PFKFB3: variants seen among roughly 807,000 people sequenced by gnomAD.
The protein encoded by PFKFB3 is 6-phosphofructo-2-kinase/fructose-2,6-bisphosphatase 3.
PFKFB3 carries 33 observed loss-of-function variants against 68.0 expected under a neutral mutation model. That is an observed-to-expected ratio of 0.49 (90% confidence interval 0.37 to 0.65). The LOEUF (loss-of-function observed/expected upper bound fraction) is 0.65. Ranked by LOEUF, PFKFB3 falls within the 30% of genes least tolerant of loss-of-function variation. PFKFB3 has a pLI of 0.00. For missense variants in PFKFB3, 586 were observed against 712.2 expected (o/e 0.82, Z 2.02); for synonymous variants, 315 against 288.2 (o/e 1.09, Z -0.94).
chr10:6,179,519 C>T (rs1190020683), intron 1 of PFKFB3, among the ~76,000 whole-genome samples: 1 of 152,178 alleles, frequency 6.6e-6, no homozygotes, highest in Admixed American at 6.5e-5. Flanking sequence ...AGGCGTTTCC[C>T]TAGCGAGCCC....
chr10:6,312,562 G>A, the PFKFB3 span, among the ~76,000 whole-genome samples: 1 of 152,088 alleles, frequency 6.6e-6, no homozygotes, highest in Admixed American at 6.5e-5. Flanking sequence ...CCATGTGCTG[G>A]CAATTCTAAA....
intron 1 of PFKFB3, among the ~76,000 whole-genome samples, chr10:6,147,758 G>GCCTGACGGGGTGGTCCATACAGGGGA (rs1209746021): frequency 1.3e-5 from 2 of 151,618 alleles, no homozygotes; most frequent in Non-Finnish European, 2.9e-5. Flanking sequence ...GGGCCGGGGA[G>GCCTGACGGGGTGGTCCATACAGGGGA]CCTGACGGGG....
chr10:6,201,543 G>A (rs1843352851), upstream of PFKFB3, among the ~76,000 whole-genome samples: 2 of 150,914 alleles, frequency 1.3e-5, no homozygotes, highest in South Asian at 2.1e-4. This position sits in a 1 kb window ranked among gnomAD's most constrained non-coding sequence, Gnocchi z 4.1. Flanking sequence ...GGCAGGCGGC[G>A]GGTCGGGAGG....
the PFKFB3 span, among the ~76,000 whole-genome samples, chr10:6,267,007 T>A: frequency 6.6e-6 from 1 of 152,244 alleles, no homozygotes; most frequent in African/African-American, 2.4e-5. Flanking sequence ...AAATTATAAA[T>A]CTTTCACCTT....
At chr10:6,194,530 T>C (rs1243887992) in intron 1 of PFKFB3, among the ~76,000 whole-genome samples, 2 of 152,172 alleles carry the variant, frequency 1.3e-5, no homozygotes, top group South Asian at 2.1e-4. Flanking sequence ...GCTTAACCCA[T>C]GTGCAGCAAC....
rs1188620798 is a variant in PFKFB3, at chr10:6,206,615, T to TG, written c.76+3280dup. Among the ~76,000 whole-genome samples the TG allele has an allele frequency of 4.0e-3, 595 of 147,300 alleles. 5 individuals carry two copies. Among genetic ancestry groups the TG allele is most frequent in the African/African-American group, 0.014 (548 of 38,632 alleles). ...CCACCTCCCTCCCGGACGGGGTGGC[T>TG]GCCGGGCGGAGACGCTCCTCACATC... On this transcript the variant is annotated intron_variant, in intron 1 of 14. Transcript: ENST00000379775.
chr10:6,189,278 C>T (rs180988383), intron 1 of PFKFB3, among the ~76,000 whole-genome samples: 1 of 152,286 alleles, frequency 6.6e-6, no homozygotes, highest in Admixed American at 6.5e-5. Flanking sequence ...TACGTGTGCA[C>T]GTATCTCTTC....
At chr10:6,226,437 G>T in intron 14 of PFKFB3, 72 bp downstream of exon 14, 6 of 1,450,202 alleles carry the variant, frequency 4.1e-6, no homozygotes, top group Non-Finnish European at 5.6e-6. Flanking sequence ...CTGGGATTGC[G>T]TGCGTGTGTG....
the PFKFB3 span, among the ~76,000 whole-genome samples, chr10:6,267,024 CTT>C: frequency 2.1e-3 from 320 of 152,254 alleles, no homozygotes; most frequent in African/African-American, 7.1e-3. Context: ...CCTTTTTTCT[CTT>C]GTCATGTTGT....
Position 6,183,739 on chromosome 10 carries a change from G to A in PFKFB3, c.17-29884G>A, listed in dbSNP as rs1367390508. ...GTCTCGCTCTGTCACCCAGGCTGGAGTGCAGTGGCGTGATCTCGGCTCACT... is the reference window on the plus strand; with the variant it reads ...GTCTCGCTCTGTCACCCAGGCTGGAATGCAGTGGCGTGATCTCGGCTCACT... On this transcript the variant is annotated intron_variant, in intron 1 of 14. Transcript: ENST00000379789. Among the ~76,000 whole-genome samples the A allele has an allele frequency of 4.7e-5, 7 of 149,780 alleles. 1 individual carries two copies. In the South Asian group the frequency reaches 8.4e-4, roughly 18 times the overall value.
chr10:6,323,785 C>A, the PFKFB3 span, among the ~76,000 whole-genome samples: 1 of 152,142 alleles, frequency 6.6e-6, no homozygotes, highest in Non-Finnish European at 1.5e-5. Context: ...GTAGAGAAAT[C>A]GAAACCCATG....
rs1406229970 is a variant in PFKFB3, at chr10:6,210,354, TTGTTTTTTTG to T, written c.77-3267_77-3258del. Reference sequence around the variant, plus strand: ...TCTCTTTGTTTTTTTTTGTTTTTTTTTGTTTTTTTGTTTTTTTTTTTTTTGAGACGAAGTT... The same window carrying T: ...TCTCTTTGTTTTTTTTTGTTTTTTTTTTTTTTTTTTTTTTGAGACGAAGTT... On this transcript the variant is annotated intron_variant, in intron 1 of 14. Transcript: ENST00000379775. Among the ~76,000 whole-genome samples, 84 of 13,252 alleles carry T rather than the reference TTGTTTTTTTG, an allele frequency of 6.3e-3. 7 individuals are homozygous for T. Among genetic ancestry groups the T allele is most frequent in the African/African-American group, 6.6e-3 (74 of 11,206 alleles). 8.7% of individuals were successfully genotyped at this position (13,252 alleles called of 152,430 possible).
chr10:6,248,652 A>AAAAAAAAAG (rs71390202), intron 14 of PFKFB3, among the ~76,000 whole-genome samples: 6 of 91,580 alleles, frequency 6.6e-5, no homozygotes, highest in Admixed American at 1.7e-4. Context: ...AAAAAAAAAA[A>AAAAAAAAAG]GGCAGGGGAT....
chr10:6,245,528 G>A (rs7906185), intron 14 of PFKFB3, among the ~76,000 whole-genome samples: 7 of 151,348 alleles, frequency 4.6e-5, no homozygotes, highest in Non-Finnish European at 7.4e-5. Context: ...GGGATCCTCC[G>A]TCCTCAGCCT....
intron 2 of PFKFB3, among the ~76,000 whole-genome samples, chr10:6,214,695 A>T (rs1379240496): frequency 6.6e-6 from 1 of 152,092 alleles, no homozygotes; most frequent in Non-Finnish European, 1.5e-5. Context: ...CCCTCTTTTG[A>T]AAGGATGGTT....
intron 6 of PFKFB3, among the ~76,000 whole-genome samples, chr10:6,219,274 G>A (rs549949779): frequency 2.6e-5 from 4 of 152,210 alleles, no homozygotes; most frequent in African/African-American, 9.6e-5. Context: ...ACTCGGGCAC[G>A]GGACAGATCC....
Position 6,220,612 on chromosome 10 carries a change from G to C in PFKFB3, c.624-46G>C, listed in dbSNP as rs368410746. 1.9e-6 allele frequency: 3 copies of C among 1,564,962 alleles called. No individual in the cohort carries two copies. Among genetic ancestry groups the C allele is most frequent in the South Asian group, 2.2e-5 (2 of 90,164 alleles). On this transcript the variant is annotated intron_variant, in intron 7 of 14. Coordinates refer to ENST00000379775, the MANE Select transcript of PFKFB3 (RefSeq NM_004566.4). This position sits in a 1 kb window ranked among gnomAD's most constrained non-coding sequence, Gnocchi z 4.1. Reference sequence around the variant, plus strand: ...GGAGACGGGCCAGGTGCATCCTGCTGTGGGTGGTGGCCTGAGCTGTGGTTC... The same window carrying C: ...GGAGACGGGCCAGGTGCATCCTGCTCTGGGTGGTGGCCTGAGCTGTGGTTC...
chr10:6,176,037 C>T lies in PFKFB3; in HGVS notation c.16+31024C>T, dbSNP rs150843396. 8.7e-4 allele frequency among the ~76,000 whole-genome samples: 133 copies of T among 152,340 alleles called. 1 individual carries two copies. In the South Asian group the frequency reaches 0.016, roughly 18 times the overall value. On this transcript the variant is annotated intron_variant, in intron 1 of 14. Coordinates refer to the PFKFB3 transcript ENST00000379789. ...AAGAATGTTCACTGCGGCACCCCAA[C>T]GGGTGAGAGCCCCCAAACGGAAAGA...
chr10:6,173,130 C>G lies in PFKFB3; in HGVS notation c.16+28117C>G, dbSNP rs1842361802. On this transcript the variant is annotated intron_variant, in intron 1 of 14. Coordinates refer to the PFKFB3 transcript ENST00000379789. ...GCCCTACTTGTCTACTTCGGGAACT[C>G]TCCTTCACCACTCACCTCACACCCT... Among the ~76,000 whole-genome samples the G allele has an allele frequency of 2.6e-5, 4 of 152,238 alleles. No individual in the cohort carries two copies. The South Asian group carries it at 8.3e-4, about 31-fold the overall frequency.
Sources: allele counts gnomAD v4.1 joint callset (sites outside exome capture counted in the v4.1 genomes callset), GRCh38; gene constraint gnomAD v4.1.1; non-coding constraint Gnocchi (gnomAD v3.1); transcripts MANE v1.5; gene names NCBI Gene and HGNC (gene_info 2026-07-23, HGNC 2026-07-21).